The following KDM2B variants were observed in gnomAD, a reference collection of about 807,000 sequenced individuals.
KDM2B encodes lysine-specific demethylase 2B.
In KDM2B, 26 loss-of-function variants were observed where a neutral mutation model predicts 150.0. The observed-to-expected ratio is 0.17, with a 90% CI of 0.13 to 0.24. KDM2B has a LOEUF of 0.24. Among genes scored for constraint, KDM2B ranks in the 10% least tolerant of loss-of-function variants. The pLI, the probability that KDM2B is intolerant of heterozygous loss-of-function variation, is 1.00. For missense variants in KDM2B, 1,265 were observed against 1,816.9 expected, an observed-to-expected ratio of 0.70 and a Z score of 5.52; for synonymous variants, 734 against 729.5, an observed-to-expected ratio of 1.01 and a Z score of -0.10.
At chr12:121,410,264 C>T in the KDM2B span, among the ~76,000 whole-genome samples, 1 of 151,730 alleles carries the variant, frequency 6.6e-6, no homozygotes, top group Non-Finnish European at 1.5e-5. Context: ...ATGGGGCTGG[C>T]GTGGTGGCTC....
chr12:121,515,178 A>G (rs1197769165), intron 9 of KDM2B, among the ~76,000 whole-genome samples: 1 of 1,940 alleles, frequency 5.2e-4, no homozygotes, highest in South Asian at 0.014. Flanking sequence ...CCCACCCCCT[A>G]ATCACACTCC....
chr12:121,579,616 A>C (rs1891787425), intron 1 of KDM2B: 1 of 1,310,522 alleles, frequency 7.6e-7, no homozygotes, highest in Non-Finnish European at 1.0e-6. Context: ...ACGCACCAGC[A>C]GCTGCCTCAT....
At position 121,533,073 on chromosome 12, in the gene KDM2B, G is replaced by A; in HGVS notation, c.778-114C>T. 2 of 1,028,878 alleles carry A rather than the reference G, an allele frequency of 1.9e-6. No homozygotes were observed. The highest frequency in any genetic ancestry group is 2.1e-5 in the Admixed American group (1 of 46,524). 63.7% of individuals were successfully genotyped at this position (1,028,878 alleles called of 1,614,324 possible). A position where few individuals can be genotyped will look rare whatever the true frequency, so the allele number is the denominator to read the frequency against. ...GGGCGAGACAAGCTGTGTGTGGGGTGGGGGGTGTGGAGAGATGGCAGATCC... is the reference window on the plus strand; with the variant it reads ...GGGCGAGACAAGCTGTGTGTGGGGTAGGGGGTGTGGAGAGATGGCAGATCC... On this transcript the variant is annotated intron_variant, in intron 7 of 22. Transcript: ENST00000377071. This position sits in a 1 kb window ranked among gnomAD's most constrained non-coding sequence, Gnocchi z 4.1.
intron 1 of KDM2B, chr12:121,579,987 T>TG (rs1215553438): frequency 2.7e-6 from 4 of 1,488,972 alleles, no homozygotes; most frequent in Admixed American, 2.2e-5. Context: ...GATACAGATT[T>TG]GGAAAAAAAA....
At chr12:121,578,339 T>C (rs1891656350) in intron 2 of KDM2B, among the ~76,000 whole-genome samples, 1 of 152,108 alleles carries the variant, frequency 6.6e-6, no homozygotes, top group African/African-American at 2.4e-5. Flanking sequence ...AGTTCCTCAC[T>C]GGCAGGCCCC....
At chr12:121,420,598 A>G in the KDM2B span, 3 of 1,614,038 alleles carry the variant, frequency 1.9e-6, no homozygotes, top group Non-Finnish European at 2.5e-6. Context: ...CTCCAAGGAG[A>G]GAGTGAGAGC....
intron 8 of KDM2B, 56 bp downstream of exon 8, chr12:121,532,750 C>T: frequency 1.3e-6 from 2 of 1,589,152 alleles, no homozygotes; most frequent in Non-Finnish European, 1.7e-6. Flanking sequence ...GGCCTAAAAC[C>T]CTGGCTCAGG....
chr12:121,499,047 C>T (rs1555301456), intron 11 of KDM2B, among the ~76,000 whole-genome samples: 1 of 151,708 alleles, frequency 6.6e-6, no homozygotes, highest in East Asian at 1.9e-4. Flanking sequence ...CTACGGTCAA[C>T]TGATCCTCTG....
chr12:121,417,768 C>T, the KDM2B span: 1 of 1,614,206 alleles, frequency 6.2e-7, no homozygotes, highest in Non-Finnish European at 8.5e-7. The surrounding 1 kb of genome is among the most constrained non-coding windows in gnomAD (Gnocchi z 5.0). Flanking sequence ...CACAAGCAGT[C>T]TGAATTCTTC....
At chr12:121,448,737 A>C (rs1299510867) in intron 13 of KDM2B, among the ~76,000 whole-genome samples, 2 of 152,262 alleles carry the variant, frequency 1.3e-5, no homozygotes. Context: ...CAAGGCAGTC[A>C]TCGTTCCTTC....
chr12:121,512,663 G>A (rs1355100430), intron 10 of KDM2B, among the ~76,000 whole-genome samples: 1 of 152,200 alleles, frequency 6.6e-6, no homozygotes, highest in Non-Finnish European at 1.5e-5. Context: ...GTCACAGCCA[G>A]ATCCAACTTC....
chr12:121,580,459 G>A (rs1414224638), intron 1 of KDM2B: 4 of 1,171,624 alleles, frequency 3.4e-6, no homozygotes, highest in Non-Finnish European at 4.2e-6. Context: ...TTTGTTGTTG[G>A]GTCACGAGTG....
At chr12:121,559,388 C>A (rs1298611022) in intron 4 of KDM2B, among the ~76,000 whole-genome samples, 1 of 152,108 alleles carries the variant, frequency 6.6e-6, no homozygotes, top group African/African-American at 2.4e-5. Context: ...AAAGTCAGTT[C>A]TGTTGGGCAC....
Position 121,548,863 on chromosome 12 carries a change from C to A in KDM2B, c.683+14G>T. Reference sequence around the variant, plus strand: ...CAACCCTGCCAGCTCTGGCCACCAGCCAGGCAGTCTTACTTTTTCACTTTC... The same window carrying A: ...CAACCCTGCCAGCTCTGGCCACCAGACAGGCAGTCTTACTTTTTCACTTTC... On this transcript the variant is annotated intron_variant, in intron 6 of 22. Transcript: ENST00000377071. 6.2e-7 allele frequency: 1 copy of A among 1,606,466 alleles called. No homozygotes were observed. The highest frequency in any genetic ancestry group is 8.5e-7 in the Non-Finnish European group (1 of 1,173,016).
chr12:121,458,450 A>C (rs1878604813), intron 12 of KDM2B, among the ~76,000 whole-genome samples: 1 of 150,624 alleles, frequency 6.6e-6, no homozygotes, highest in African/African-American at 2.4e-5. Flanking sequence ...TGGACACACT[A>C]TCCTAAAATT....
Position 121,549,886 on chromosome 12 carries a change from G to C in KDM2B, c.398-248C>G, listed in dbSNP as rs542249754. Among the ~76,000 whole-genome samples the C allele has an allele frequency of 4.5e-4, 69 of 152,190 alleles. No homozygotes were observed. The highest frequency in any genetic ancestry group is 7.6e-4 in the Non-Finnish European group (52 of 68,034). On this transcript the variant is annotated intron_variant, in intron 4 of 22. Coordinates refer to ENST00000377071, the MANE Select transcript of KDM2B (RefSeq NM_032590.5). This position sits in a 1 kb window ranked among gnomAD's most constrained non-coding sequence, Gnocchi z 4.4. ...ATGACCTCAAAAGCTACCTAAAGGG[G>C]CCCAAGCAGCTGGGCATGGTGGCTT...
rs1049520592 is a variant in KDM2B, at chr12:121,520,791, C to T, written c.1047+194G>A. Among the ~76,000 whole-genome samples, 5 of 152,056 alleles carry T rather than the reference C, an allele frequency of 3.3e-5. No homozygotes were observed. Among genetic ancestry groups the T allele is most frequent in the African/African-American group, 7.2e-5 (3 of 41,394 alleles). ...AGGTGAACAGAAACTCCAGGGCCTC[C>T]GGGTGTGGCTCCTACAGGCATTCCC... On this transcript the variant is annotated intron_variant, in intron 9 of 22. Coordinates refer to ENST00000377071, the MANE Select transcript of KDM2B (RefSeq NM_032590.5). This position sits in a 1 kb window ranked among gnomAD's most constrained non-coding sequence, Gnocchi z 4.5.
intron 4 of KDM2B, among the ~76,000 whole-genome samples, chr12:121,557,919 CTTGCCTCCCT>C (rs1890023087): frequency 1.3e-5 from 2 of 152,196 alleles, no homozygotes; most frequent in Admixed American, 1.3e-4. Flanking sequence ...GGTCCCTCCC[CTTGCCTCCCT>C]CCCAGAGCCT....
At position 121,579,453 on chromosome 12, in the gene KDM2B, G is replaced by T. The variant is rs558055412; in HGVS notation, c.127-507C>A. ...CTGGAGCCGCCCCCGAGCTACCGGG[G>T]AAGCTGGAAAGCTGAAATGGAAGGG... On this transcript the variant is annotated intron_variant, in intron 1 of 22. Coordinates refer to ENST00000377071, the MANE Select transcript of KDM2B (RefSeq NM_032590.5). Among the ~76,000 whole-genome samples the T allele has an allele frequency of 2.6e-5, 4 of 152,282 alleles. No homozygotes were observed. In the South Asian group the frequency reaches 8.3e-4, roughly 32 times the overall value.
Sources: allele counts gnomAD v4.1 joint callset (sites outside exome capture counted in the v4.1 genomes callset), GRCh38; gene constraint gnomAD v4.1.1; non-coding constraint Gnocchi (gnomAD v3.1); transcripts MANE v1.5; gene names NCBI Gene and HGNC (gene_info 2026-07-23, HGNC 2026-07-21).